COMMD8: variants seen among roughly 807,000 people sequenced by gnomAD.
COMMD8 encodes the protein COMM domain containing 8, also known as COMM domain-containing protein 8.
COMMD8 carries 28 observed loss-of-function variants against 27.2 expected under a neutral mutation model. The ratio of observed to expected loss-of-function variants is 1.03; its 90% CI spans 0.76 to 1.41. The LOEUF (loss-of-function observed/expected upper bound fraction) is 1.41. COMMD8 is among the 40% of genes most tolerant of loss of function. COMMD8 has a pLI of 0.00. For synonymous variants in COMMD8, 79 were observed against 75.5 expected, an observed-to-expected ratio of 1.05 and a Z score of -0.24; for missense variants, 217 against 211.2, an observed-to-expected ratio of 1.03 and a Z score of -0.17.
intron 2 of COMMD8, among the ~76,000 whole-genome samples, chr4:47,457,507 GAAT>G (rs1444414903): frequency 1.3e-5 from 2 of 152,014 alleles, no homozygotes; most frequent in Non-Finnish European, 2.9e-5. Flanking sequence ...GCAATATATA[GAAT>G]ACTACACCTG....
intron 4 of COMMD8, among the ~76,000 whole-genome samples, 187 bp from the exon 5 acceptor site, chr4:47,451,852 G>A (rs938720040): frequency 4.6e-5 from 7 of 152,076 alleles, no homozygotes; most frequent in East Asian, 1.9e-4. Context: ...CATTTATATC[G>A]GGCTCTATCA....
At chr4:47,454,877 A>C (rs919379628) in intron 3 of COMMD8, among the ~76,000 whole-genome samples, 2 of 151,634 alleles carry the variant, frequency 1.3e-5, no homozygotes, top group African/African-American at 4.8e-5. Context: ...AAAAAAAAAA[A>C]AAAAAAAAAA....
Position 47,463,661 on chromosome 4 carries a change from A to G in COMMD8, c.-10T>C. On this transcript the variant is annotated 5_prime_UTR_variant, in exon 1 of 5. Coordinates refer to ENST00000381571, the MANE Select transcript of COMMD8 (RefSeq NM_017845.5). The stretch of plus-strand genomic sequence containing the variant: ...CCTCTTCCGGCTCCATCCCTGCGCG[A>G]AGCTGGGGCTTGGGTCACGTGTCAA... 2.6e-6 allele frequency: 4 copies of G among 1,547,452 alleles called. No individual in the cohort carries two copies. In the South Asian group the frequency reaches 4.8e-5, roughly 18 times the overall value.
chr4:47,457,990 G>GT (rs1451888765), intron 2 of COMMD8, among the ~76,000 whole-genome samples: 1 of 152,004 alleles, frequency 6.6e-6, no homozygotes, highest in Non-Finnish European at 1.5e-5. Flanking sequence ...TGCAGCCTTA[G>GT]TTTAACATTC....
At chr4:47,461,261 T>A (rs1249294320) in intron 1 of COMMD8, among the ~76,000 whole-genome samples, 1 of 152,242 alleles carries the variant, frequency 6.6e-6, no homozygotes, top group Non-Finnish European at 1.5e-5. Flanking sequence ...TAACATTTAA[T>A]AAGGTTATCT....
At chr4:47,453,697 T>G (rs1200463553) in intron 3 of COMMD8, among the ~76,000 whole-genome samples, 1 of 152,196 alleles carries the variant, frequency 6.6e-6, no homozygotes, top group Non-Finnish European at 1.5e-5. Flanking sequence ...TTAGAGCCAC[T>G]CAACAGAAAC....
intron 4 of COMMD8, among the ~76,000 whole-genome samples, chr4:47,452,377 T>C (rs998378352): frequency 4.6e-5 from 7 of 152,216 alleles, no homozygotes; most frequent in African/African-American, 2.4e-5. Flanking sequence ...GTCCAGTTAA[T>C]AAAGCCACTT....
At chr4:47,458,580 T>C (rs1729947499) in intron 2 of COMMD8, among the ~76,000 whole-genome samples, 1 of 152,118 alleles carries the variant, frequency 6.6e-6, no homozygotes, top group African/African-American at 2.4e-5. Context: ...TTCTTAACTT[T>C]GGAAAGCTAA....
intron 3 of COMMD8, among the ~76,000 whole-genome samples, chr4:47,454,272 T>A (rs1185117831): frequency 6.6e-6 from 1 of 152,186 alleles, no homozygotes; most frequent in African/African-American, 2.4e-5. Context: ...ATAATATACG[T>A]TAGTCCTTCA....
At chr4:47,457,383 A>G (rs1334856095) in intron 2 of COMMD8, among the ~76,000 whole-genome samples, 1 of 152,158 alleles carries the variant, frequency 6.6e-6, no homozygotes, top group East Asian at 1.9e-4. Flanking sequence ...AAATGAATAA[A>G]TCCACATTCA....
rs780959180 is a variant in COMMD8 at position 47,451,635 on chromosome 4, T to C, written c.*10A>G. 23 of 1,587,154 alleles carry C rather than the reference T, an allele frequency of 1.4e-5. No homozygotes were observed. Among genetic ancestry groups the C allele is most frequent in the Non-Finnish European group, 1.5e-5 (18 of 1,168,134 alleles). On this transcript the variant is annotated 3_prime_UTR_variant, in exon 5 of 5. Coordinates refer to ENST00000381571, the MANE Select transcript of COMMD8 (RefSeq NM_017845.5). ...TAAAATCTGATAGGACTGGTATTCATCATTTCCAGTTATTTCAACTGCAGG... is the reference window on the plus strand; with the variant it reads ...TAAAATCTGATAGGACTGGTATTCACCATTTCCAGTTATTTCAACTGCAGG...
At position 47,453,095 on chromosome 4, in the gene COMMD8, C is replaced by T. The variant is rs775488009; in HGVS notation, c.495G>A (p.Leu165=). 10 of 1,613,204 alleles carry T rather than the reference C, an allele frequency of 6.2e-6. No homozygotes were observed. Among genetic ancestry groups the T allele is most frequent in the Non-Finnish European group, 1.7e-6 (2 of 1,179,504 alleles). The change falls in exon 4 of 5, where the codon CTG becomes CTA. Residue 165 remains leucine (L), a synonymous_variant. Transcript: ENST00000381571. ...CTTCCAAGGACTGTATTAGATTCTG[C>T]AGCTCCTCTCTACTCATTTCAATAG... ...PYSIEMSREE[L]QNLIQSLEAA...
intron 1 of COMMD8, among the ~76,000 whole-genome samples, 174 bp downstream of exon 1, chr4:47,463,412 T>A (rs531706335): frequency 1.3e-5 from 2 of 152,354 alleles, no homozygotes; most frequent in South Asian, 4.1e-4. Context: ...CGCCCCAAGC[T>A]GTCCTCCTAG....
chr4:47,463,702 T>G lies in COMMD8; in HGVS notation c.-51A>C. On this transcript the variant is annotated 5_prime_UTR_variant, in exon 1 of 5. Transcript: ENST00000381571. ...CACGTGTCAAGGCTGGCCGCTTGTC[T>G]AAAGCTACGACTCGCCCACGTGACT... The G allele has an allele frequency of 6.7e-7, 1 of 1,495,820 alleles. No individual in the cohort carries two copies. The highest frequency in any genetic ancestry group is 9.0e-7 in the Non-Finnish European group (1 of 1,111,228). 92.7% of individuals were successfully genotyped at this position (1,495,820 alleles called of 1,614,324 possible). A position where few individuals can be genotyped will look rare whatever the true frequency, so the allele number is the denominator to read the frequency against.
intron 4 of COMMD8, 99 bp from the exon 5 acceptor site, chr4:47,451,764 G>T: frequency 1.2e-6 from 1 of 849,138 alleles, no homozygotes; most frequent in Admixed American, 2.8e-5. Context: ...AGGGCATGGA[G>T]AACTCATAAC....
Position 47,460,256 on chromosome 4 carries a change from G to C in COMMD8, c.110C>G (p.Pro37Arg). ...IIDGICGRAY[P>R]VYQDYHTVWE... ...AACAGTGTGATAATCTTGGTACACA[G>C]GATAAGCTCGACCACAAATGCCATC... Residue 37 changes from proline (P) to arginine (R), a missense_variant, in exon 2 of 5, where the codon CCT becomes CGT. Pro to Arg is a moderately radical substitution (Grantham distance 103, BLOSUM62 -2). Coordinates refer to ENST00000381571, the MANE Select transcript of COMMD8 (RefSeq NM_017845.5). 1 of 1,612,736 alleles carries C rather than the reference G, an allele frequency of 6.2e-7. No homozygotes were observed. Among genetic ancestry groups the C allele is most frequent in the South Asian group, 1.1e-5 (1 of 90,814 alleles).
intron 1 of COMMD8, among the ~76,000 whole-genome samples, chr4:47,460,887 C>T (rs543820544): frequency 3.0e-4 from 45 of 152,140 alleles, no homozygotes; most frequent in Non-Finnish European, 6.2e-4. Flanking sequence ...CTATTAGTAT[C>T]TTAATATCAG....
chr4:47,459,708 C>T lies in COMMD8; in HGVS notation c.222+436G>A, dbSNP rs114075478. On this transcript the variant is annotated intron_variant, in intron 2 of 4. Coordinates refer to ENST00000381571, the MANE Select transcript of COMMD8 (RefSeq NM_017845.5). ...TGACACACCCCAAATAATTTCAATA[C>T]ACTAAAAGATTCAAACATACACACA... The T allele has an allele frequency of 6.7e-3, 1,021 of 152,898 alleles. 8 individuals are homozygous for T. The highest frequency in any genetic ancestry group is 0.023 in the African/African-American group (939 of 41,600). The allele number at this position is 152,898 out of a possible 1,614,324, so 9.5% of individuals were successfully genotyped here.
chr4:47,462,045 G>C lies in COMMD8; in HGVS notation c.66+1541C>G, dbSNP rs139303210. Among the ~76,000 whole-genome samples, 1,008 of 152,160 alleles carry C rather than the reference G, an allele frequency of 6.6e-3. 6 individuals are homozygous for C. The highest frequency in any genetic ancestry group is 1.0e-2 in the Non-Finnish European group (679 of 67,998). ...GCAAGTTATTTTGGGGGGTGCCTAG[G>C]GGGTGACAGGAGACAAGGCTGGAGA... On this transcript the variant is annotated intron_variant, in intron 1 of 4. Coordinates refer to ENST00000381571, the MANE Select transcript of COMMD8 (RefSeq NM_017845.5).
Sources: allele counts gnomAD v4.1 joint callset (sites outside exome capture counted in the v4.1 genomes callset), GRCh38; gene constraint gnomAD v4.1.1; transcripts MANE v1.5; gene names NCBI Gene and HGNC (gene_info 2026-07-23, HGNC 2026-07-21).